The following PLEKHS1 variants were observed in gnomAD, a reference collection of about 807,000 sequenced individuals.
The protein encoded by PLEKHS1 is pleckstrin homology domain containing S1, also known as pleckstrin homology domain-containing family S member 1.
PLEKHS1 carries 55 observed loss-of-function variants against 51.0 expected under a neutral mutation model. The ratio of observed to expected loss-of-function variants is 1.08; its 90% CI spans 0.87 to 1.35. The LOEUF is 1.35. Among genes scored for constraint, PLEKHS1 ranks in the 40% most tolerant of loss-of-function variants. PLEKHS1 has a pLI of 0.00. For synonymous variants in PLEKHS1, 153 were observed against 144.8 expected, an observed-to-expected ratio of 1.06 and a Z score of -0.41; for missense variants, 398 against 423.0, an observed-to-expected ratio of 0.94 and a Z score of 0.52.
At chr10:113,775,084 C>A in intron 10 of PLEKHS1, 49 bp downstream of exon 10, 1 of 1,465,320 alleles carries the variant, frequency 6.8e-7, no homozygotes, top group Admixed American at 2.1e-5. Flanking sequence ...GCAAGGCAGC[C>A]TCCCTCCCAC....
chr10:113,758,577 C>T (rs1843777897), intron 2 of PLEKHS1, among the ~76,000 whole-genome samples: 1 of 152,070 alleles, frequency 6.6e-6, no homozygotes. Flanking sequence ...TCTTAAGGGC[C>T]TTAGGATTTT....
At chr10:113,759,702 G>T (rs1314309475) in intron 2 of PLEKHS1, among the ~76,000 whole-genome samples, 3 of 152,144 alleles carry the variant, frequency 2.0e-5, no homozygotes, top group African/African-American at 7.2e-5. Context: ...TATCCAGGTT[G>T]CTTCCAGTCT....
rs187379282 is a variant in PLEKHS1, at chr10:113,768,457, C to T, written c.360-358C>T. On this transcript the variant is annotated intron_variant, in intron 5 of 11. Transcript: ENST00000361048. ...AGCACATTCTTCATCAACACATGCA[C>T]TCCCTAAGGGAAGGCCCACCTGCAT... Among the ~76,000 whole-genome samples the T allele has an allele frequency of 5.2e-3, 797 of 152,346 alleles. 2 individuals are homozygous for T. The highest frequency in any genetic ancestry group is 0.018 in the African/African-American group (765 of 41,566).
intron 2 of PLEKHS1, among the ~76,000 whole-genome samples, chr10:113,757,041 G>A (rs543001440): frequency 9.5e-5 from 14 of 146,794 alleles, no homozygotes; most frequent in Admixed American, 3.5e-4. Flanking sequence ...TCAGCCTCCC[G>A]AGTAGCTAGG....
At chr10:113,767,236 A>G (rs1399302708) in intron 4 of PLEKHS1, 109 bp from the exon 5 acceptor site, 11 of 767,292 alleles carry the variant, frequency 1.4e-5, no homozygotes, top group Non-Finnish European at 2.0e-5. Context: ...TCTTGGAAAC[A>G]TGGATCCAGC....
chr10:113,779,232 C>T (rs1332738316), intron 11 of PLEKHS1, among the ~76,000 whole-genome samples: 1 of 152,084 alleles, frequency 6.6e-6, no homozygotes, highest in African/African-American at 2.4e-5. Context: ...GATTTCAGGG[C>T]CCTAGTCCAA....
intron 11 of PLEKHS1, among the ~76,000 whole-genome samples, chr10:113,776,673 G>A (rs1232489392): frequency 1.3e-5 from 2 of 151,990 alleles, no homozygotes; most frequent in African/African-American, 4.8e-5. Flanking sequence ...CAAACGCTGA[G>A]CACTCTTTCT....
At chr10:113,763,375 C>T (rs1387868755) in intron 2 of PLEKHS1, among the ~76,000 whole-genome samples, 2 of 152,068 alleles carry the variant, frequency 1.3e-5, no homozygotes, top group African/African-American at 4.8e-5. Flanking sequence ...TTGAGTCTTG[C>T]TTTTTTATCC....
At chr10:113,771,064 T>C (rs1430308295) in intron 7 of PLEKHS1, among the ~76,000 whole-genome samples, 1 of 152,198 alleles carries the variant, frequency 6.6e-6, no homozygotes, top group African/African-American at 2.4e-5. Flanking sequence ...CTCTGAGGCA[T>C]TGTTCTTGGA....
rs974251490 is a variant in PLEKHS1, at chr10:113,771,881, C to A, written c.553-89C>A. The A allele has an allele frequency of 8.8e-6, 13 of 1,470,680 alleles. No homozygotes were observed. In the East Asian group the frequency reaches 2.7e-4, roughly 31 times the overall value. 91.1% of individuals were successfully genotyped at this position (1,470,680 alleles called of 1,614,324 possible). Reference sequence around the variant, plus strand: ...GACCCTCTGGTCTTTTTTAACCCAACTAATTTATTACGGCTTTTCTAGAAT... The same window carrying A: ...GACCCTCTGGTCTTTTTTAACCCAAATAATTTATTACGGCTTTTCTAGAAT... On this transcript the variant is annotated intron_variant, in intron 7 of 11. Transcript: ENST00000361048.
chr10:113,758,900 G>T (rs571041466), intron 2 of PLEKHS1, among the ~76,000 whole-genome samples: 10 of 152,248 alleles, frequency 6.6e-5, no homozygotes, highest in African/African-American at 2.4e-4. Flanking sequence ...TTGAGATATT[G>T]CAAGAATTGC....
intron 11 of PLEKHS1, among the ~76,000 whole-genome samples, chr10:113,776,455 T>A (rs1844667466): frequency 6.6e-6 from 1 of 152,196 alleles, no homozygotes; most frequent in Non-Finnish European, 1.5e-5. Flanking sequence ...AGAAAACTCT[T>A]TAATGTAAAC....
rs752790882 is a variant in PLEKHS1, at chr10:113,774,996, C to A, written c.950C>A (p.Ser317Ter). 1.2e-6 allele frequency: 2 copies of A among 1,614,130 alleles called. No homozygotes were observed. Among genetic ancestry groups the A allele is most frequent in the South Asian group, 2.2e-5 (2 of 91,070 alleles). The change falls in exon 10 of 12, where the codon TCG (serine) becomes TAG (stop). Residue 317 changes from serine to a stop codon, truncating the protein, a stop_gained. Transcript: ENST00000361048. LOFTEE classifies it high-confidence loss of function. Reference sequence around the variant, plus strand: ...CAGACCACAAATGACCAAAAGGGGTCGGCCTCACTAACTGTTGTGCAATTG... The same window carrying A: ...CAGACCACAAATGACCAAAAGGGGTAGGCCTCACTAACTGTTGTGCAATTG...
At chr10:113,777,931 A>G (rs1454013982) in intron 11 of PLEKHS1, 8 of 498,768 alleles carry the variant, frequency 1.6e-5, no homozygotes, top group Non-Finnish European at 2.4e-5. Flanking sequence ...TCAAGGTTAC[A>G]GTGTGCTATG....
In PLEKHS1 at chr10:113,766,485, C is replaced by T. The variant is rs777091294; in HGVS notation, c.103C>T (p.Leu35=). ...CTTTATTAAATCACCACCTTCTCAG[C>T]TGTTCTCCTCTGTGGTAAGTATTTG... The change falls in exon 3 of 12, where the codon CTG becomes TTG. Residue 35 remains leucine (L), a synonymous_variant. Transcript: ENST00000361048. 1.7e-5 allele frequency: 27 copies of T among 1,601,900 alleles called. 2 individuals carry two copies. In the South Asian group the frequency reaches 3.0e-4, roughly 18 times the overall value.
intron 7 of PLEKHS1, 92 bp downstream of exon 7, chr10:113,769,992 C>T (rs1355874065): frequency 2.2e-6 from 2 of 905,076 alleles, no homozygotes; most frequent in Non-Finnish European, 3.7e-6. Context: ...TTTAACCATG[C>T]CCACCTTCCT....
intron 8 of PLEKHS1, among the ~76,000 whole-genome samples, chr10:113,773,184 A>G (rs941929037): frequency 1.3e-5 from 2 of 152,256 alleles, no homozygotes; most frequent in Non-Finnish European, 2.9e-5. Flanking sequence ...TTTAGTATGC[A>G]GTGGTGCATT....
At chr10:113,764,488 A>G (rs1233080937) in intron 2 of PLEKHS1, among the ~76,000 whole-genome samples, 3 of 152,134 alleles carry the variant, frequency 2.0e-5, no homozygotes, top group Non-Finnish European at 2.9e-5. Context: ...TCTGTATGCA[A>G]TAGGTCTTTT....
intron 9 of PLEKHS1, 55 bp downstream of exon 9, chr10:113,774,388 C>A: frequency 1.0e-6 from 1 of 999,858 alleles, no homozygotes. Context: ...TGTTAAGGAA[C>A]AATGATTGTC....
Sources: gnomAD v4.1 joint callset for allele counts (sites outside exome capture counted in the v4.1 genomes callset) on GRCh38, gnomAD v4.1.1 for gene constraint, MANE v1.5 for transcripts, NCBI Gene and HGNC (gene_info 2026-07-23, HGNC 2026-07-21) for gene names.